Variants in SCHIP1 observed in about 807,000 individuals in gnomAD.
SCHIP1 encodes schwannomin interacting protein 1, also known as schwannomin-interacting protein 1.
Under a neutral mutation model 29.7 loss-of-function variants are expected in SCHIP1, and 8 were observed. The ratio of observed to expected loss-of-function variants is 0.27; its 90% confidence interval spans 0.16 to 0.49. The LOEUF is 0.49. Among genes scored for constraint, SCHIP1 ranks in the 20% least tolerant of loss-of-function variants. The pLI, the probability that SCHIP1 is intolerant of heterozygous loss-of-function variation, is 0.99. For synonymous variants in SCHIP1, 76 were observed against 94.9 expected (o/e 0.80, Z 1.16); for missense variants, 193 against 294.6 (o/e 0.66, Z 2.52).
the SCHIP1 span, among the ~76,000 whole-genome samples, chr3:159,672,997 T>G: frequency 1.3e-5 from 2 of 152,174 alleles, no homozygotes; most frequent in Non-Finnish European, 2.9e-5. Context: ...CTGAACCATA[T>G]AAGCTCTTTT....
At chr3:159,736,064 T>C in the SCHIP1 span, among the ~76,000 whole-genome samples, 3 of 151,974 alleles carry the variant, frequency 2.0e-5, no homozygotes, top group Non-Finnish European at 2.9e-5. Context: ...TCTAACAAAG[T>C]CTTGTACCTT....
the SCHIP1 span, among the ~76,000 whole-genome samples, chr3:159,782,215 C>T: frequency 6.6e-6 from 1 of 152,218 alleles, no homozygotes; most frequent in Non-Finnish European, 1.5e-5. Flanking sequence ...TGGCAGAGTG[C>T]TGGGCCACCT....
At chr3:159,388,787 A>G in the SCHIP1 span, among the ~76,000 whole-genome samples, 1 of 152,188 alleles carries the variant, frequency 6.6e-6, no homozygotes, top group Non-Finnish European at 1.5e-5. Context: ...TAATAAAGAT[A>G]ATATTTCAAC....
chr3:159,595,035 C>A, the SCHIP1 span, among the ~76,000 whole-genome samples: 1 of 152,058 alleles, frequency 6.6e-6, no homozygotes, highest in Non-Finnish European at 1.5e-5. Flanking sequence ...AATCACCCAG[C>A]GAGTGACAAA....
At chr3:159,554,001 TG>T in the SCHIP1 span, among the ~76,000 whole-genome samples, 3 of 126,192 alleles carry the variant, frequency 2.4e-5, no homozygotes, top group African/African-American at 1.2e-4. Context: ...TGTGTGTGTG[TG>T]TGTGTGTGTG....
the SCHIP1 span, among the ~76,000 whole-genome samples, chr3:159,723,694 A>G: frequency 6.6e-6 from 1 of 152,242 alleles, no homozygotes; most frequent in African/African-American, 2.4e-5. Flanking sequence ...ACATCATAAG[A>G]CACCTCTTCT....
chr3:159,774,132 G>A, the SCHIP1 span, among the ~76,000 whole-genome samples: 1 of 152,218 alleles, frequency 6.6e-6, no homozygotes, highest in East Asian at 1.9e-4. Flanking sequence ...TTTTATTTGT[G>A]TATTTCCCCA....
the SCHIP1 span, among the ~76,000 whole-genome samples, chr3:159,370,029 C>T: frequency 6.6e-6 from 1 of 152,166 alleles, no homozygotes; most frequent in Non-Finnish European, 1.5e-5. Context: ...AACCGTGTGA[C>T]CTCAGGTAAA....
the SCHIP1 span, among the ~76,000 whole-genome samples, chr3:159,659,438 A>C: frequency 6.6e-6 from 1 of 152,222 alleles, no homozygotes; most frequent in Non-Finnish European, 1.5e-5. Flanking sequence ...CAGCATCTCT[A>C]AATGGTGTGC....
chr3:159,600,902 G>A, the SCHIP1 span, among the ~76,000 whole-genome samples: 2 of 152,216 alleles, frequency 1.3e-5, no homozygotes, highest in African/African-American at 4.8e-5. Context: ...GCATGCAGTA[G>A]TATATTCTCT....
the SCHIP1 span, among the ~76,000 whole-genome samples, chr3:159,473,674 G>GAAAAAAAAAAAAAAAAA: frequency 2.2e-3 from 178 of 81,298 alleles, no homozygotes; most frequent in Middle Eastern, 8.5e-3. Flanking sequence ...ATGTAACTAC[G>GAAAAAAAAAAAAAAAAA]AAAAAAAAAA....
chr3:159,711,003 C>A, the SCHIP1 span, among the ~76,000 whole-genome samples: 1 of 152,074 alleles, frequency 6.6e-6, no homozygotes, highest in Admixed American at 6.5e-5. Flanking sequence ...TGAAAGAAAT[C>A]TCTTTGTTGT....
At position 159,870,055 on chromosome 3, in the gene SCHIP1, C is replaced by G. The variant is rs1401311008; in HGVS notation, c.149+3774C>G. ...ACAGAAATGCAATTAACTTTGTATA[C>G]TAGTATTATATTCAGCCACTTTGTT... is the stretch of plus-strand genomic sequence containing the variant. On this transcript the variant is annotated intron_variant, in intron 2 of 6. Coordinates refer to ENST00000445224, the Ensembl canonical transcript of SCHIP1. Among the ~76,000 whole-genome samples, 3 of 151,892 alleles carry G rather than the reference C, an allele frequency of 2.0e-5. No homozygotes were observed. The East Asian group carries it at 5.8e-4, about 29-fold the overall frequency.
At chr3:159,612,339 C>T in the SCHIP1 span, among the ~76,000 whole-genome samples, 7 of 152,266 alleles carry the variant, frequency 4.6e-5, no homozygotes, top group Admixed American at 3.3e-4. Flanking sequence ...ATTAAATGCA[C>T]TCTATAGAAA....
At chr3:159,617,903 T>C in the SCHIP1 span, among the ~76,000 whole-genome samples, 41 of 152,292 alleles carry the variant, frequency 2.7e-4, no homozygotes, top group African/African-American at 9.6e-4. Context: ...TACATACCCA[T>C]TCATGACTTC....
chr3:159,460,044 ACT>A, the SCHIP1 span, among the ~76,000 whole-genome samples: 1 of 152,212 alleles, frequency 6.6e-6, no homozygotes, highest in African/African-American at 2.4e-5. Context: ...AATACTGGGC[ACT>A]GTCACAGGCT....
chr3:159,601,165 T>C, the SCHIP1 span, among the ~76,000 whole-genome samples: 1 of 152,154 alleles, frequency 6.6e-6, no homozygotes, highest in Admixed American at 6.5e-5. Flanking sequence ...CCAGGTGCCT[T>C]GCTCATCTGC....
the SCHIP1 span, among the ~76,000 whole-genome samples, chr3:159,834,046 A>G: frequency 6.6e-6 from 1 of 151,962 alleles, no homozygotes; most frequent in South Asian, 2.1e-4. Flanking sequence ...GTTGTTCTTA[A>G]TTAGGAGAAG....
the SCHIP1 span, among the ~76,000 whole-genome samples, chr3:159,389,473 G>A: frequency 2.8e-4 from 42 of 152,044 alleles, no homozygotes; most frequent in South Asian, 8.1e-3. Flanking sequence ...GGACAATTTG[G>A]CTGCTTGGTC....
Sources: allele counts gnomAD v4.1 joint callset (sites outside exome capture counted in the v4.1 genomes callset), GRCh38; gene constraint gnomAD v4.1.1; transcripts MANE v1.5; gene names NCBI Gene and HGNC (gene_info 2026-07-23, HGNC 2026-07-21).